Variants in KSR1 observed in about 807,000 individuals in gnomAD.
KSR1 encodes the protein kinase suppressor of ras.
KSR1 carries 35 observed loss-of-function variants against 92.9 expected under a neutral mutation model. That is an observed-to-expected ratio of 0.38 (90% CI 0.29 to 0.50). KSR1 has a LOEUF of 0.50. Among genes scored for constraint, KSR1 ranks in the 20% least tolerant of loss-of-function variants. KSR1 has a pLI of 0.94. For synonymous variants in KSR1, 467 were observed against 472.6 expected (o/e 0.99, Z 0.15); for missense variants, 972 against 1,158.5 (o/e 0.84, Z 2.34).
intron 11 of KSR1, 93 bp from the exon 12 acceptor site, chr17:27,603,741 A>G: frequency 7.9e-7 from 1 of 1,268,876 alleles, no homozygotes; most frequent in East Asian, 2.4e-5. Context: ...GGGGAAAATC[A>G]GCCTCTCTGG....
At chr17:27,468,063 C>T (rs1212727100) in intron 1 of KSR1, among the ~76,000 whole-genome samples, 6 of 151,854 alleles carry the variant, frequency 4.0e-5, no homozygotes, top group Non-Finnish European at 5.9e-5. Flanking sequence ...GTGATCCGCC[C>T]GCCTCGGCCT....
chr17:27,563,337 C>T (rs1043310358), intron 2 of KSR1, among the ~76,000 whole-genome samples: 2 of 151,984 alleles, frequency 1.3e-5, no homozygotes, highest in African/African-American at 4.8e-5. Context: ...AATCATGGCC[C>T]ACTGCAGCGT....
At chr17:27,504,626 G>A (rs530065011) in intron 1 of KSR1, among the ~76,000 whole-genome samples, 5 of 152,266 alleles carry the variant, frequency 3.3e-5, no homozygotes, top group East Asian at 1.9e-4. Flanking sequence ...AGGAAGCACC[G>A]CAGTCCTGAG....
chr17:27,468,791 G>T (rs2019829940), intron 1 of KSR1, among the ~76,000 whole-genome samples: 1 of 152,168 alleles, frequency 6.6e-6, no homozygotes, highest in Non-Finnish European at 1.5e-5. Context: ...TATCTAACCT[G>T]AGTCCCCCGC....
rs1269343551 is a variant in KSR1, at chr17:27,456,860, A to T, written c.217A>T (p.Ile73Leu). 2 of 1,005,038 alleles carry T rather than the reference A, an allele frequency of 2.0e-6. No individual in the cohort carries two copies. Among genetic ancestry groups the T allele is most frequent in the Non-Finnish European group, 3.1e-6 (2 of 639,998 alleles). The allele number at this position is 1,005,038 out of a possible 1,614,324, so 62.3% of individuals were successfully genotyped here. Residue 73 changes from isoleucine to leucine, a missense_variant, in exon 1 of 21, where the codon ATA (isoleucine) becomes TTA (leucine). Ile to Leu is a conservative substitution (Grantham distance 5). Coordinates refer to ENST00000644974, the MANE Select transcript of KSR1 (RefSeq NM_001394583.1). ...GTCCAACGACCTCACCCAGCAGGAGATACGGACCCTGGAGGTAAGTGGGTC... is the reference window on the plus strand; with the variant it reads ...GTCCAACGACCTCACCCAGCAGGAGTTACGGACCCTGGAGGTAAGTGGGTC... ...AVSNDLTQQE[I>L]RTLEAKLVRY...
At chr17:27,475,805 TG>T (rs2068323667) in intron 1 of KSR1, among the ~76,000 whole-genome samples, 1 of 152,132 alleles carries the variant, frequency 6.6e-6, no homozygotes, top group South Asian at 2.1e-4. Context: ...CAGCATGCGA[TG>T]GGTGGGTCAT....
intron 1 of KSR1, among the ~76,000 whole-genome samples, chr17:27,482,020 C>T (rs2068526640): frequency 2.0e-5 from 3 of 152,186 alleles, no homozygotes; most frequent in African/African-American, 7.2e-5. Context: ...AACAGCTTCT[C>T]TCTGAATGTT....
intron 1 of KSR1, among the ~76,000 whole-genome samples, chr17:27,489,482 C>CCCTTTCCTCTTCTCTTTTGTTCTTTCT (rs1356605305): frequency 6.6e-6 from 1 of 152,166 alleles, no homozygotes; most frequent in African/African-American, 2.4e-5. Flanking sequence ...CTGCCACTTT[C>CCCTTTCCTCTTCTCTTTTGTTCTTTCT]CCTTTTCTCT....
chr17:27,597,360 A>T lies in KSR1; in HGVS notation c.1392A>T (p.Thr464=), dbSNP rs777982028. The T allele has an allele frequency of 4.3e-6, 7 of 1,613,574 alleles. No homozygotes were observed. The Admixed American group carries it at 8.3e-5, about 19-fold the overall frequency. Reference sequence around the variant, plus strand: ...CCTCCTCACCGGCGCCCTTCCCGACATCATCCAACCCATCCAGCGCCACCA... The same window carrying T: ...CCTCCTCACCGGCGCCCTTCCCGACTTCATCCAACCCATCCAGCGCCACCA... ...STPSSPAPFP[T]SSNPSSATTP... is the part of the protein sequence containing the mutation. Residue 464 remains threonine, a synonymous_variant, in exon 10 of 21, where the codon ACA becomes ACT. Coordinates refer to ENST00000644974, the MANE Select transcript of KSR1 (RefSeq NM_001394583.1).
At chr17:27,479,062 A>C (rs1346830783) in intron 1 of KSR1, among the ~76,000 whole-genome samples, 5 of 124,862 alleles carry the variant, frequency 4.0e-5, no homozygotes, top group African/African-American at 6.3e-5. Flanking sequence ...TCCTCCCTCC[A>C]TCTATGCTCC....
intron 1 of KSR1, among the ~76,000 whole-genome samples, chr17:27,541,328 T>C (rs1208927967): frequency 1.3e-5 from 2 of 152,208 alleles, no homozygotes; most frequent in Non-Finnish European, 2.9e-5. Flanking sequence ...TAAAGCATAC[T>C]AGGATCTTCT....
At chr17:27,532,585 A>T (rs924267916) in intron 1 of KSR1, among the ~76,000 whole-genome samples, 4 of 152,200 alleles carry the variant, frequency 2.6e-5, no homozygotes, top group Non-Finnish European at 4.4e-5. Context: ...CAACTGGAGA[A>T]CTAGCAGGAG....
chr17:27,580,681 G>A (rs1400981017), intron 3 of KSR1, among the ~76,000 whole-genome samples: 1 of 152,190 alleles, frequency 6.6e-6, no homozygotes, highest in Non-Finnish European at 1.5e-5. Flanking sequence ...CTGTACACTG[G>A]GGAGAAGAAC....
chr17:27,503,546 C>T (rs553474716), intron 1 of KSR1, among the ~76,000 whole-genome samples: 1 of 152,084 alleles, frequency 6.6e-6, no homozygotes, highest in East Asian at 1.9e-4. Flanking sequence ...GCCTTTTGTC[C>T]AGTTTGGTAT....
At chr17:27,457,432 C>T (rs1047743445) in intron 1 of KSR1, among the ~76,000 whole-genome samples, 12 of 152,168 alleles carry the variant, frequency 7.9e-5, no homozygotes, top group Non-Finnish European at 1.8e-4. Flanking sequence ...TTGGTGCTTT[C>T]CTTTCACGTT....
At chr17:27,585,941 CT>C in intron 5 of KSR1, 2 of 457,386 alleles carry the variant, frequency 4.4e-6, no homozygotes, top group Non-Finnish European at 7.9e-6. Flanking sequence ...CTGTCTCCAC[CT>C]TGCCCTTCCC....
intron 1 of KSR1, among the ~76,000 whole-genome samples, chr17:27,532,325 G>A (rs1252935392): frequency 6.6e-6 from 1 of 152,210 alleles, no homozygotes; most frequent in East Asian, 1.9e-4. Context: ...CACCTGGAGG[G>A]TTATGGTAGC....
intron 11 of KSR1, 44 bp from the exon 12 acceptor site, chr17:27,603,789 AG>A (rs1444882966): frequency 6.3e-7 from 1 of 1,595,772 alleles, no homozygotes; most frequent in Non-Finnish European, 8.6e-7. Flanking sequence ...CTTTGGGGAG[AG>A]GAAAGCAATC....
intron 14 of KSR1, 62 bp from the exon 15 acceptor site, chr17:27,607,852 C>A: frequency 8.1e-7 from 1 of 1,241,662 alleles, no homozygotes; most frequent in South Asian, 1.3e-5. Flanking sequence ...TGGGCTCCAC[C>A]AGGGTTGGGG....
Sources: allele counts gnomAD v4.1 joint callset (sites outside exome capture counted in the v4.1 genomes callset), GRCh38; gene constraint gnomAD v4.1.1; transcripts MANE v1.5; gene names NCBI Gene and HGNC (gene_info 2026-07-23, HGNC 2026-07-21).